MRPL54: variants seen among roughly 807,000 people sequenced by gnomAD.
The protein encoded by MRPL54 is mitochondrial ribosomal protein L54, also known as large ribosomal subunit protein mL54.
In MRPL54, 12 loss-of-function variants were observed where a neutral mutation model predicts 15.6. The observed-to-expected ratio is 0.77, with a 90% confidence interval of 0.49 to 1.24. The LOEUF is 1.24. Among genes scored for constraint, MRPL54 ranks in the 50% most tolerant of loss-of-function variants. The pLI is 0.00. For missense variants in MRPL54, 178 were observed against 186.8 expected (o/e 0.95, Z 0.28); for synonymous variants, 91 against 75.7 (o/e 1.20, Z -1.05).
At chr19:3,766,820 C>G (rs77349146) in intron 2 of MRPL54, among the ~76,000 whole-genome samples, 10 of 152,222 alleles carry the variant, frequency 6.6e-5, no homozygotes, top group Non-Finnish European at 1.5e-4. Context: ...GGGGCAGGAC[C>G]GCACCTGGTG....
intron 1 of MRPL54, among the ~76,000 whole-genome samples, chr19:3,764,846 G>A (rs1298172780): frequency 1.3e-5 from 2 of 151,794 alleles, no homozygotes; most frequent in Non-Finnish European, 2.9e-5. Context: ...GGCTAACACG[G>A]TGAAACCCCG....
At position 3,765,407 on chromosome 19, in the gene MRPL54, C is replaced by T. The variant is rs73919366; in HGVS notation, c.284+76C>T. 4,154 of 1,524,638 alleles carry T rather than the reference C, an allele frequency of 2.7e-3. 104 individuals are homozygous for T. In the African/African-American group the frequency reaches 0.051, roughly 19 times the overall value. 94.4% of individuals were successfully genotyped at this position (1,524,638 alleles called of 1,614,324 possible). A position where few individuals can be genotyped will look rare whatever the true frequency, so the allele number is the denominator to read the frequency against. On this transcript the variant is annotated intron_variant, in intron 2 of 2. Coordinates refer to ENST00000330133, the MANE Select transcript of MRPL54 (RefSeq NM_172251.3). The stretch of plus-strand genomic sequence containing the variant: ...CCAGGAGGACCCCTTCCCGGAGAGG[C>T]GGATCGCCACTCCAGCCGGAGCCTA...
rs750019549 is a variant in MRPL54 at position 3,762,747 on chromosome 19, G to C, written c.47G>C (p.Trp16Ser). 1 of 1,610,028 alleles carries C rather than the reference G, an allele frequency of 6.2e-7. No individual in the cohort carries two copies. The highest frequency in any genetic ancestry group is 2.2e-5 in the East Asian group (1 of 44,446). The change falls in exon 1 of 3, where the codon TGG (tryptophan) becomes TCG (serine). Residue 16 changes from tryptophan (W) to serine (S), a missense_variant. Physicochemically the swap from Trp to Ser is radical, Grantham distance 177. Coordinates refer to ENST00000330133, the MANE Select transcript of MRPL54 (RefSeq NM_172251.3). Reference sequence around the variant, plus strand: ...GGGGCTACCCGGACGTGGGCCGGCTGGGGGGCCTGGGAGCTCCTAAACCCC... The same window carrying C: ...GGGGCTACCCGGACGTGGGCCGGCTCGGGGGCCTGGGAGCTCCTAAACCCC... ...LFGATRTWAG[W>S]GAWELLNPAT...
At chr19:3,764,440 C>T (rs2037178928) in intron 1 of MRPL54, among the ~76,000 whole-genome samples, 1 of 150,946 alleles carries the variant, frequency 6.6e-6, no homozygotes, top group Non-Finnish European at 1.5e-5. Flanking sequence ...TGGAATCTTG[C>T]TCTGTAACCT....
In MRPL54 at chr19:3,767,544, A is replaced by G. The variant is rs2037209232; in HGVS notation, c.*151A>G. On this transcript the variant is annotated 3_prime_UTR_variant, in exon 3 of 3. Transcript: ENST00000330133. ...GGACCAGGGCCCTGGAGGCCAATAA[A>G]GAGCTTTCTGGGTAGACCCTATTTC... 4 of 1,103,116 alleles carry G rather than the reference A, an allele frequency of 3.6e-6. No individual in the cohort carries two copies. The East Asian group carries it at 8.5e-5, about 23-fold the overall frequency. 68.3% of individuals were successfully genotyped at this position (1,103,116 alleles called of 1,614,324 possible). A position where few individuals can be genotyped will look rare whatever the true frequency, so the allele number is the denominator to read the frequency against.
At chr19:3,764,431 G>A (rs1272522238) in intron 1 of MRPL54, among the ~76,000 whole-genome samples, 4 of 148,104 alleles carry the variant, frequency 2.7e-5, no homozygotes, top group Non-Finnish European at 6.0e-5. Context: ...TTTTTGAGAT[G>A]GAATCTTGCT....
Position 3,762,737 on chromosome 19 carries a change from T to C in MRPL54, c.37T>C (p.Trp13Arg). The change falls in exon 1 of 3, where the codon TGG becomes CGG. Residue 13 changes from tryptophan to arginine, a missense_variant. Trp to Arg is a moderately radical substitution (Grantham distance 101). Transcript: ENST00000330133. The stretch of plus-strand genomic sequence containing the variant: ...ACGCCTTTTCGGGGCTACCCGGACG[T>C]GGGCCGGCTGGGGGGCCTGGGAGCT... ...TKRLFGATRTWAGWGAWELLN... is the reference protein window; with the variant it reads ...TKRLFGATRTRAGWGAWELLN... 6.2e-7 allele frequency: 1 copy of C among 1,611,376 alleles called. No individual in the cohort carries two copies. Among genetic ancestry groups the C allele is most frequent in the Non-Finnish European group, 8.5e-7 (1 of 1,178,952 alleles).
At chr19:3,762,856 G>A in intron 1 of MRPL54, 38 bp downstream of exon 1, 1 of 1,459,390 alleles carries the variant, frequency 6.9e-7, no homozygotes, top group South Asian at 1.3e-5. Flanking sequence ...GGGACGGTGG[G>A]TGCACTGAGG....
intron 2 of MRPL54, among the ~76,000 whole-genome samples, chr19:3,766,434 G>A (rs1328724718): frequency 6.6e-6 from 1 of 151,910 alleles, no homozygotes; most frequent in African/African-American, 2.4e-5. Flanking sequence ...GGCTGGTCTT[G>A]AACTCCTGAC....
Position 3,767,461 on chromosome 19 carries a change from TTG to T in MRPL54, c.*71_*72del. 6.3e-7 allele frequency: 1 copy of T among 1,583,014 alleles called. No individual in the cohort carries two copies. The highest frequency in any genetic ancestry group is 8.5e-7 in the Non-Finnish European group (1 of 1,170,222). On this transcript the variant is annotated 3_prime_UTR_variant, in exon 3 of 3. Coordinates refer to ENST00000330133, the MANE Select transcript of MRPL54 (RefSeq NM_172251.3). ...CCGTTTTCCCGGAGGACGTGGACTT[TTG>T]TGAGACAAGAGGCGGCTCCCCAGCC...
At chr19:3,763,312 G>C (rs2037168405) in intron 1 of MRPL54, among the ~76,000 whole-genome samples, 1 of 152,230 alleles carries the variant, frequency 6.6e-6, no homozygotes, top group African/African-American at 2.4e-5. Flanking sequence ...AGCCTTGCCT[G>C]ATCTCCTTTG....
chr19:3,767,532 G>A lies in MRPL54; in HGVS notation c.*139G>A. On this transcript the variant is annotated 3_prime_UTR_variant, in exon 3 of 3. Transcript: ENST00000330133. Reference sequence around the variant, plus strand: ...CACAGTGGGGCTGGACCAGGGCCCTGGAGGCCAATAAAGAGCTTTCTGGGT... The same window carrying A: ...CACAGTGGGGCTGGACCAGGGCCCTAGAGGCCAATAAAGAGCTTTCTGGGT... 1.6e-6 allele frequency: 2 copies of A among 1,226,808 alleles called. No homozygotes were observed. Among genetic ancestry groups the A allele is most frequent in the Non-Finnish European group, 2.2e-6 (2 of 894,494 alleles). 76.0% of individuals were successfully genotyped at this position (1,226,808 alleles called of 1,614,324 possible). A position where few individuals can be genotyped will look rare whatever the true frequency, so the allele number is the denominator to read the frequency against.
chr19:3,764,273 T>C (rs1478660309), intron 1 of MRPL54, among the ~76,000 whole-genome samples: 2 of 151,070 alleles, frequency 1.3e-5, no homozygotes, highest in African/African-American at 2.4e-5. Context: ...TTAGTAGAGA[T>C]GGAATTTCAC....
intron 1 of MRPL54, 130 bp downstream of exon 1, chr19:3,762,948 T>A (rs567935771): frequency 5.2e-6 from 4 of 771,878 alleles, no homozygotes; most frequent in East Asian, 3.1e-5. Flanking sequence ...CCAGGCTGTA[T>A]GCGCAGGCGC....
Position 3,762,698 on chromosome 19 carries a change from G to T in MRPL54, c.-3G>T. On this transcript the variant is annotated 5_prime_UTR_variant, in exon 1 of 3. Transcript: ENST00000330133. ...TGCACTTGCAAGCTGCCCGCAATAC[G>T]TCATGGCGACCAAACGCCTTTTCGG... 3.1e-6 allele frequency: 5 copies of T among 1,611,366 alleles called. No individual in the cohort carries two copies. Among genetic ancestry groups the T allele is most frequent in the Non-Finnish European group, 4.2e-6 (5 of 1,178,892 alleles).
chr19:3,766,871 A>G (rs529713436), intron 2 of MRPL54, among the ~76,000 whole-genome samples: 23 of 152,270 alleles, frequency 1.5e-4, no homozygotes, highest in African/African-American at 5.5e-4. Context: ...GCTGGAGCAC[A>G]GTGAGGAGGG....
rs754215489 is a variant in MRPL54 at position 3,767,309 on chromosome 19, C to T, written c.333C>T (p.Asp111=). The T allele has an allele frequency of 1.2e-6, 2 of 1,612,214 alleles. No individual in the cohort carries two copies. Among genetic ancestry groups the T allele is most frequent in the South Asian group, 1.1e-5 (1 of 90,990 alleles). The part of the protein sequence containing the change: ...LGPPKTLEEL[D]PESREYWRRL... ...CCCCAAAGACCCTGGAGGAGCTGGACCCCGAGAGCCGGGAGTACTGGCGGC... is the reference window on the plus strand; with the variant it reads ...CCCCAAAGACCCTGGAGGAGCTGGATCCCGAGAGCCGGGAGTACTGGCGGC... Residue 111 remains aspartate, a synonymous_variant, in exon 3 of 3, where the codon GAC becomes GAT. Coordinates refer to ENST00000330133, the MANE Select transcript of MRPL54 (RefSeq NM_172251.3).
At chr19:3,762,975 C>T (rs190291306) in intron 1 of MRPL54, among the ~76,000 whole-genome samples, 157 bp downstream of exon 1, 1 of 152,226 alleles carries the variant, frequency 6.6e-6, no homozygotes, top group Admixed American at 6.5e-5. Flanking sequence ...AGGGACCCAG[C>T]GCCGCTTGGA....
intron 2 of MRPL54, among the ~76,000 whole-genome samples, chr19:3,766,809 CG>C (rs2037202510): frequency 6.6e-6 from 1 of 152,064 alleles, no homozygotes; most frequent in Non-Finnish European, 1.5e-5. Flanking sequence ...GCAAAGGCCC[CG>C]GGGCAGGACC....
Sources: allele counts gnomAD v4.1 joint callset (sites outside exome capture counted in the v4.1 genomes callset), GRCh38; gene constraint gnomAD v4.1.1; transcripts MANE v1.5; gene names NCBI Gene and HGNC (gene_info 2026-07-23, HGNC 2026-07-21).